DIP2C: variants seen among roughly 807,000 people sequenced by gnomAD.
DIP2C encodes the protein DIP2 acetate--CoA ligase C (putative), also known as disco-interacting protein 2 homolog C.
DIP2C carries 33 observed loss-of-function variants against 192.4 expected under a neutral mutation model. The observed-to-expected ratio is 0.17, with a 90% CI of 0.13 to 0.23. The LOEUF is 0.23. DIP2C is among the 10% of genes least tolerant of loss of function. The pLI, the probability that DIP2C is intolerant of heterozygous loss-of-function variation, is 1.00. For synonymous variants in DIP2C, 979 were observed against 864.1 expected, an observed-to-expected ratio of 1.13 and a Z score of -2.33; for missense variants, 1,537 against 2,110.1, an observed-to-expected ratio of 0.73 and a Z score of 5.32.
chr10:277,686 GAC>G, intron 36 of DIP2C, 109 bp from the exon 37 acceptor site: 5 of 1,439,252 alleles, frequency 3.5e-6, no homozygotes, highest in Non-Finnish European at 4.7e-6. Flanking sequence ...AGCACTGCCC[GAC>G]AGTCTCCTCC....
At position 422,960 on chromosome 10, in the gene DIP2C, G is replaced by T. The variant is rs766675665; in HGVS notation, c.468C>A (p.Gly156=). 6.2e-7 allele frequency: 1 copy of T among 1,614,184 alleles called. No homozygotes were observed. The highest frequency in any genetic ancestry group is 1.7e-5 in the Admixed American group (1 of 60,032). The change falls in exon 5 of 37, where the codon GGC becomes GGA. Residue 156 remains glycine, a synonymous_variant. Coordinates refer to ENST00000280886, the MANE Select transcript of DIP2C (RefSeq NM_014974.3). ...DSQGTPTSSQ[G]SINMEHWISQ... ...TGATCCAGTGCTCCATATTGATGCT[G>T]CCCTGGCTGGAGGTGGGGGTGCCCT... is the stretch of plus-strand genomic sequence containing the variant.
At chr10:647,607 G>A (rs1381357953) in intron 1 of DIP2C, among the ~76,000 whole-genome samples, 2 of 149,208 alleles carry the variant, frequency 1.3e-5, no homozygotes, top group Non-Finnish European at 3.0e-5. Context: ...GGGAAACTGA[G>A]TCCACGTCGA....
At chr10:324,688 T>G (rs1160766610) in intron 31 of DIP2C, 1 of 230,574 alleles carries the variant, frequency 4.3e-6, no homozygotes, top group African/African-American at 2.3e-5. Context: ...AATTGTCTTC[T>G]GCACAAGAAC....
At chr10:671,229 TAG>T (rs1360770105) in intron 1 of DIP2C, among the ~76,000 whole-genome samples, 1 of 152,170 alleles carries the variant, frequency 6.6e-6, no homozygotes, top group African/African-American at 2.4e-5. Flanking sequence ...AAGTGGTGAC[TAG>T]AGAGAAGCGA....
chr10:671,781 G>T (rs1367189413), intron 1 of DIP2C, among the ~76,000 whole-genome samples: 1 of 90,428 alleles, frequency 1.1e-5, no homozygotes, highest in Non-Finnish European at 2.1e-5. Context: ...CGCCACAGAC[G>T]CACGGACGGA....
At chr10:617,835 A>G (rs1040876278) in intron 1 of DIP2C, among the ~76,000 whole-genome samples, 1 of 152,104 alleles carries the variant, frequency 6.6e-6, no homozygotes, top group African/African-American at 2.4e-5. Flanking sequence ...CCCCAGCCCC[A>G]GGTGTCTGGG....
chr10:382,312 A>AC (rs921244669), intron 17 of DIP2C, among the ~76,000 whole-genome samples: 10 of 152,132 alleles, frequency 6.6e-5, no homozygotes, highest in Non-Finnish European at 1.2e-4. Context: ...ACCCTATCCC[A>AC]CCCCAGAAGA....
At position 683,527 on chromosome 10, in the gene DIP2C, G is replaced by A. The variant is rs116341597; in HGVS notation, c.85+5967C>T. Among the ~76,000 whole-genome samples, 721 of 152,302 alleles carry A rather than the reference G, an allele frequency of 4.7e-3. 4 individuals are homozygous for A. The highest frequency in any genetic ancestry group is 0.016 in the African/African-American group (666 of 41,556). ...GCAGGAAGGACACCCACAAGATAGA[G>A]TGGTCAGAAACCGACCACGTCACCA... On this transcript the variant is annotated intron_variant, in intron 1 of 36. Coordinates refer to ENST00000280886, the MANE Select transcript of DIP2C (RefSeq NM_014974.3).
chr10:662,839 G>A lies in DIP2C; in HGVS notation c.85+26655C>T, dbSNP rs1402593242. 3 of 717,400 alleles carry A rather than the reference G, an allele frequency of 4.2e-6. No individual in the cohort carries two copies. The East Asian group carries it at 8.0e-5, about 19-fold the overall frequency. 44.4% of individuals were successfully genotyped at this position (717,400 alleles called of 1,614,324 possible). On this transcript the variant is annotated intron_variant, in intron 1 of 36. Coordinates refer to ENST00000280886, the MANE Select transcript of DIP2C (RefSeq NM_014974.3). Reference sequence around the variant, plus strand: ...TGCGATGGCTGTGGTTGAGGAAAGAGGCCACACCCACAGCCAGCAGAACCA... The same window carrying A: ...TGCGATGGCTGTGGTTGAGGAAAGAAGCCACACCCACAGCCAGCAGAACCA...
chr10:582,722 G>C (rs1588518034), intron 1 of DIP2C, among the ~76,000 whole-genome samples: 1 of 152,218 alleles, frequency 6.6e-6, no homozygotes, highest in South Asian at 2.1e-4. Context: ...TCACGCCCTT[G>C]TGAGACCCTG....
chr10:499,712 AG>A (rs1463186462), intron 1 of DIP2C, among the ~76,000 whole-genome samples: 1 of 152,174 alleles, frequency 6.6e-6, no homozygotes. Context: ...TCACCTCCCC[AG>A]GTTTTGCCCT....
chr10:396,470 G>A (rs1051223147), intron 10 of DIP2C, among the ~76,000 whole-genome samples: 5 of 152,232 alleles, frequency 3.3e-5, no homozygotes, highest in East Asian at 3.9e-4. Context: ...TAATTGTTAC[G>A]AATAACAATG....
At chr10:382,565 C>G (rs1269162700) in intron 17 of DIP2C, 82 bp downstream of exon 17, 1 of 1,101,580 alleles carries the variant, frequency 9.1e-7, no homozygotes, top group Non-Finnish European at 1.4e-6. Context: ...TCAGCATCAA[C>G]TGTTAGGATT....
intron 31 of DIP2C, among the ~76,000 whole-genome samples, chr10:323,429 TCAGTCGGGGGTGCGGGGCTCCAGCGA>T (rs1564554303): frequency 1.3e-4 from 15 of 113,314 alleles, no homozygotes; most frequent in African/African-American, 4.2e-4. Context: ...GTTAGAACAG[TCAGTCGGGGGTGCGGGGCTCCAGCGA>T]GAGACCAGCG....
chr10:601,042 G>T (rs543242883), intron 1 of DIP2C, among the ~76,000 whole-genome samples: 1 of 152,268 alleles, frequency 6.6e-6, no homozygotes, highest in South Asian at 2.1e-4. Context: ...TCAGTCAATC[G>T]TTGAGGGCTC....
chr10:667,250 A>C (rs1017188891), intron 1 of DIP2C: 6 of 152,526 alleles, frequency 3.9e-5, no homozygotes, highest in African/African-American at 1.4e-4. Context: ...GCTACTCAGG[A>C]CTGGGAGGAG....
rs141885199 is a variant in DIP2C, at chr10:672,501, A to T, written c.85+16993T>A. Among the ~76,000 whole-genome samples, 788 of 152,278 alleles carry T rather than the reference A, an allele frequency of 5.2e-3. 7 individuals are homozygous for T. The highest frequency in any genetic ancestry group is 0.018 in the African/African-American group (743 of 41,556). ...CGAGGCTGGGGAGCCAGAGATGAGCAGGTTCACATCCATCAAATGCGGCTG... is the reference window on the plus strand; with the variant it reads ...CGAGGCTGGGGAGCCAGAGATGAGCTGGTTCACATCCATCAAATGCGGCTG... On this transcript the variant is annotated intron_variant, in intron 1 of 36. Coordinates refer to ENST00000280886, the MANE Select transcript of DIP2C (RefSeq NM_014974.3).
chr10:606,657 C>T (rs774242584), intron 1 of DIP2C, among the ~76,000 whole-genome samples: 1 of 152,246 alleles, frequency 6.6e-6, no homozygotes, highest in African/African-American at 2.4e-5. Context: ...GCTGTAATTA[C>T]GTGCTGTGAT....
chr10:355,155 A>G (rs1959018547), intron 24 of DIP2C, among the ~76,000 whole-genome samples: 2 of 152,190 alleles, frequency 1.3e-5, no homozygotes, highest in South Asian at 4.1e-4. Flanking sequence ...AGCACCAGCG[A>G]ACGAGGGCCA....
Sources: allele counts gnomAD v4.1 joint callset (sites outside exome capture counted in the v4.1 genomes callset), GRCh38; gene constraint gnomAD v4.1.1; transcripts MANE v1.5; gene names NCBI Gene and HGNC (gene_info 2026-07-23, HGNC 2026-07-21).